MTCL1: variants seen among roughly 807,000 people sequenced by gnomAD.
MTCL1 encodes the protein microtubule crosslinking factor 1, also known as microtubule cross-linking factor 1.
A neutral mutation model predicts 141.4 loss-of-function variants in MTCL1; 79 were observed. The observed-to-expected ratio is 0.56, with a 90% confidence interval of 0.47 to 0.67. MTCL1 has a LOEUF of 0.67. MTCL1 is among the 30% of genes least tolerant of loss of function. MTCL1 has a pLI of 0.00. For synonymous variants in MTCL1, 914 were observed against 875.8 expected (o/e 1.04, Z -0.77); for missense variants, 2,177 against 2,113.9 (o/e 1.03, Z -0.59).
intron 4 of MTCL1, among the ~76,000 whole-genome samples, chr18:8,745,863 C>T (rs1394009567): frequency 6.6e-6 from 1 of 152,184 alleles, no homozygotes; most frequent in African/African-American, 2.4e-5. Context: ...AGAAGTGAAA[C>T]TCTGTACCCA....
intron 7 of MTCL1, among the ~76,000 whole-genome samples, chr18:8,791,843 A>C (rs1245993948): frequency 1.3e-5 from 2 of 152,102 alleles, no homozygotes; most frequent in Non-Finnish European, 2.9e-5. Context: ...TTTTGAAAAT[A>C]AGATGTTTAA....
intron 16 of MTCL1, chr18:8,829,525 A>G (rs1457117171): frequency 1.0e-6 from 1 of 967,560 alleles, no homozygotes; most frequent in Non-Finnish European, 1.2e-6. Context: ...TTGAATGAAT[A>G]AACAACAAAA....
intron 4 of MTCL1, among the ~76,000 whole-genome samples, chr18:8,727,272 G>A (rs185955069): frequency 1.9e-4 from 29 of 152,222 alleles, no homozygotes; most frequent in African/African-American, 7.0e-4. Context: ...CATGAGTGTA[G>A]GTATTTTTTT....
At chr18:8,813,106 T>C in exon 12 of MTCL1, 1 of 1,614,224 alleles carries the variant, frequency 6.2e-7, no homozygotes, top group Non-Finnish European at 8.5e-7. Context: ...GTCATGGACC[T>C]GCGCTGGCAG....
intron 9 of MTCL1, 151 bp from the exon 9 acceptor site, chr18:8,797,946 A>C (rs1246936199): frequency 7.4e-6 from 5 of 679,326 alleles, no homozygotes; most frequent in Middle Eastern, 2.8e-4. Context: ...AATGAGTGAG[A>C]TGGCCAAAAT....
rs1319355347 is a variant in MTCL1 at position 8,779,575 on chromosome 18, GC to G, written c.417+1687del. Among the ~76,000 whole-genome samples, 1 of 152,106 alleles carries G rather than the reference GC, an allele frequency of 6.6e-6. No individual in the cohort carries two copies. Among genetic ancestry groups the G allele is most frequent in the Non-Finnish European group, 1.5e-5 (1 of 68,032 alleles). On this transcript the variant is annotated intron_variant, in intron 5 of 16. Transcript: ENST00000359865. The surrounding 1 kb of genome is among the most constrained non-coding windows in gnomAD (Gnocchi z 4.1). ...GGCCGAGCTCAGCTTCCCTCAGGCC[GC>G]CCCTCTCCTGTACACAACACCCGGC...
At chr18:8,747,176 T>C (rs1450889757) in intron 4 of MTCL1, among the ~76,000 whole-genome samples, 1 of 152,230 alleles carries the variant, frequency 6.6e-6, no homozygotes, top group African/African-American at 2.4e-5. Context: ...GTACTGACTC[T>C]GTCTTTTCTA....
intron 10 of MTCL1, 52 bp downstream of exon 9, chr18:8,798,343 C>T: frequency 2.1e-6 from 3 of 1,397,682 alleles, no homozygotes; most frequent in Non-Finnish European, 2.8e-6. Context: ...GGAGAGGAGG[C>T]TCCTAAGCTG....
intron 4 of MTCL1, among the ~76,000 whole-genome samples, chr18:8,747,071 T>G (rs902366916): frequency 2.0e-5 from 3 of 152,104 alleles, no homozygotes; most frequent in Non-Finnish European, 2.9e-5. Flanking sequence ...GCCCGGCTCT[T>G]CCAGGTGGAA....
At chr18:8,726,760 G>A (rs2096218197) in intron 4 of MTCL1, among the ~76,000 whole-genome samples, 2 of 152,066 alleles carry the variant, frequency 1.3e-5, no homozygotes. Flanking sequence ...GAGAGATGGT[G>A]GTGGTTTGAA....
At chr18:8,712,672 G>A (rs1383978509), upstream of MTCL1, among the ~76,000 whole-genome samples, 3 of 152,204 alleles carry the variant, frequency 2.0e-5, no homozygotes, top group African/African-American at 7.2e-5. Context: ...CAAGGGCTGC[G>A]GCCACCAGCT....
chr18:8,755,567 C>A (rs11877456), intron 4 of MTCL1, among the ~76,000 whole-genome samples: 2,379 of 152,306 alleles, frequency 0.016, 54 homozygotes, highest in African/African-American at 0.047. Context: ...AGAAAACCTT[C>A]CTGAGGCCAT....
At chr18:8,729,678 A>G (rs1327189164) in intron 4 of MTCL1, among the ~76,000 whole-genome samples, 1 of 784 alleles carries the variant, frequency 1.3e-3, no homozygotes, top group Non-Finnish European at 2.7e-3. Flanking sequence ...AGACAAATAT[A>G]TATATATATA....
rs565229969 is a variant in MTCL1, at chr18:8,806,984, G to A, written c.2528G>A (p.Arg843Gln). 76 of 1,613,812 alleles carry A rather than the reference G, an allele frequency of 4.7e-5. 1 individual carries two copies. In the South Asian group the frequency reaches 5.6e-4, roughly 12 times the overall value. The change falls in exon 11 of 17, where the codon CGG (arginine) becomes CAG (glutamine). Residue 843 changes from arginine to glutamine, a missense_variant. Arg to Gln is a conservative substitution (Grantham distance 43). Coordinates refer to ENST00000359865, the Ensembl canonical transcript of MTCL1. ...CGGGAGGATGAGCGTGCCCGACTAC[G>A]GCTGCAGCAGCAATATGCCAGCGAC...
chr18:8,784,021 C>G (rs116805379), exon 6 of MTCL1: 1 of 1,613,630 alleles, frequency 6.2e-7, no homozygotes, highest in East Asian at 2.2e-5. Flanking sequence ...GGCAACTGAC[C>G]CACGAGCTCA....
chr18:8,719,559 AT>A (rs906201147), intron 3 of MTCL1, among the ~76,000 whole-genome samples: 7 of 151,952 alleles, frequency 4.6e-5, no homozygotes, highest in East Asian at 1.9e-4. Context: ...TGCATAGAGA[AT>A]TTTTTTTTAT....
At chr18:8,786,401 T>C in intron 7 of MTCL1, 1 of 580,710 alleles carries the variant, frequency 1.7e-6, no homozygotes, top group Non-Finnish European at 3.3e-6. Context: ...CAGTGGCTTC[T>C]TGTCCAGTCG....
Position 8,798,080 on chromosome 18 carries a change from C to A in MTCL1, c.2242-17C>A. 1 of 1,566,778 alleles carries A rather than the reference C, an allele frequency of 6.4e-7. No homozygotes were observed. The highest frequency in any genetic ancestry group is 2.4e-5 in the East Asian group (1 of 41,700). ...AATTTGGCTGAAGCTGTGATCGTCA[C>A]CTCCTGCCTGTTTCAGGGTGAACAT... On this transcript the variant is annotated splice_polypyrimidine_tract_variant and intron_variant, in intron 9 of 16. Transcript: ENST00000359865.
intron 6 of MTCL1, 134 bp from the exon 6 acceptor site, chr18:8,785,802 T>A: frequency 1.9e-6 from 2 of 1,074,170 alleles, no homozygotes; most frequent in Non-Finnish European, 2.6e-6. Context: ...GGTCGTTTTC[T>A]CAGTCGTCTC....
Sources: gnomAD v4.1 joint callset for allele counts (sites outside exome capture counted in the v4.1 genomes callset) on GRCh38, gnomAD v4.1.1 for gene constraint, Gnocchi (gnomAD v3.1) non-coding constraint, MANE v1.5 for transcripts, NCBI Gene and HGNC (gene_info 2026-07-23, HGNC 2026-07-21) for gene names.